The following RAB5IF variants were observed in gnomAD, a reference collection of about 807,000 sequenced individuals.
RAB5IF encodes the protein RAB5 interacting factor.
RAB5IF carries 15 observed loss-of-function variants against 20.3 expected under a neutral mutation model. The observed-to-expected ratio is 0.74, with a 90% CI of 0.50 to 1.14. The LOEUF is 1.14. RAB5IF is among the 50% of genes most tolerant of loss of function. RAB5IF has a pLI of 0.00. For missense variants in RAB5IF, 148 were observed against 159.5 expected, an observed-to-expected ratio of 0.93 and a Z score of 0.39; for synonymous variants, 67 against 63.7, an observed-to-expected ratio of 1.05 and a Z score of -0.25.
intron 2 of RAB5IF, 65 bp downstream of exon 2, chr20:36,607,883 G>T (rs754798915): frequency 1.9e-6 from 3 of 1,599,310 alleles, no homozygotes; most frequent in Non-Finnish European, 2.6e-6. Context: ...TTTTTTTCCT[G>T]TTACAGGAAA....
rs1417667619 is a variant in RAB5IF, at chr20:36,607,715, G to A, written c.115G>A (p.Asp39Asn). 3 of 1,613,856 alleles carry A rather than the reference G, an allele frequency of 1.9e-6. No individual in the cohort carries two copies. Among genetic ancestry groups the A allele is most frequent in the South Asian group, 1.1e-5 (1 of 91,056 alleles). ...CTTGCATTTTCTGTCTTTTCTACAGGATGAATTTTTAGATGTGATCTACTG... is the reference window on the plus strand; with the variant it reads ...CTTGCATTTTCTGTCTTTTCTACAGAATGAATTTTTAGATGTGATCTACTG... ...LRSDAAWEDK[D>N]EFLDVIYWFR... The change falls in exon 2 of 4, where the codon GAT (aspartate) becomes AAT (asparagine). Residue 39 changes from aspartate to asparagine, a missense_variant and splice_region_variant. By Grantham distance (23) the Asp-to-Asn change is conservative. Transcript: ENST00000344795.
In RAB5IF at chr20:36,612,095, C is replaced by A; in HGVS notation, c.*44C>A. 1 of 1,614,192 alleles carries A rather than the reference C, an allele frequency of 6.2e-7. No individual in the cohort carries two copies. The highest frequency in any genetic ancestry group is 8.5e-7 in the Non-Finnish European group (1 of 1,180,040). ...TGCTCCCTATCCAGTCCAAAGGACC[C>A]TCTTGATTACAGCACAGGAACTTGA... is the stretch of plus-strand genomic sequence containing the variant. On this transcript the variant is annotated 3_prime_UTR_variant, in exon 4 of 4. Transcript: ENST00000344795.
Position 36,606,084 on chromosome 20 carries a change from A to G in RAB5IF, c.114+19A>G. 1 of 1,373,916 alleles carries G rather than the reference A, an allele frequency of 7.3e-7. No individual in the cohort carries two copies. Among genetic ancestry groups the G allele is most frequent in the South Asian group, 1.5e-5 (1 of 66,726 alleles). 85.1% of individuals were successfully genotyped at this position (1,373,916 alleles called of 1,614,324 possible). ...GGATAAGGTACGGTGGAGTCTGAAC[A>G]GGGCGCGGGTGCGAGGAGTCGGCTG... On this transcript the variant is annotated intron_variant, in intron 1 of 3. Transcript: ENST00000344795.
intron 2 of RAB5IF, chr20:36,608,249 CA>C: frequency 3.7e-6 from 1 of 271,130 alleles, no homozygotes; most frequent in Non-Finnish European, 7.4e-6. Flanking sequence ...CAGGTCCCTC[CA>C]TTTTGTTTTT....
chr20:36,609,194 C>CACACACACACACACACACACACACACACA (rs1568595462), intron 2 of RAB5IF, among the ~76,000 whole-genome samples: 1 of 43,316 alleles, frequency 2.3e-5, no homozygotes, highest in Non-Finnish European at 4.4e-5. Flanking sequence ...CACACACACA[C>CACACACACACACACACACACACACACACA]GCACACACGC....
At position 36,607,759 on chromosome 20, in the gene RAB5IF, T is replaced by C. The variant is rs1476269492; in HGVS notation, c.159T>C (p.Ala53=). The part of the protein sequence containing the change: ...DVIYWFRQII[A]VVLGVIWGVL... ...TCTACTGGTTCCGACAGATCATTGC[T>C]GTGGTCCTGGGTGTCATTTGGGGAG... Residue 53 remains alanine, a synonymous_variant, in exon 2 of 4, where the codon GCT becomes GCC. Transcript: ENST00000344795. 6.2e-7 allele frequency: 1 copy of C among 1,614,072 alleles called. No homozygotes were observed. The highest frequency in any genetic ancestry group is 2.2e-5 in the East Asian group (1 of 44,902).
chr20:36,606,739 G>A (rs758554088), intron 1 of RAB5IF, among the ~76,000 whole-genome samples: 1 of 152,170 alleles, frequency 6.6e-6, no homozygotes, highest in Non-Finnish European at 1.5e-5. Context: ...ACTTCAGAAC[G>A]TTCTTACTCG....
At chr20:36,606,123 G>T in intron 1 of RAB5IF, 58 bp downstream of exon 1, 1 of 1,079,052 alleles carries the variant, frequency 9.3e-7, no homozygotes, top group Non-Finnish European at 1.3e-6. Flanking sequence ...CTCGGGGAAC[G>T]GAAGACTGGC....
At chr20:36,607,975 T>G (rs2038975658) in intron 2 of RAB5IF, 157 bp downstream of exon 2, 1 of 1,497,866 alleles carries the variant, frequency 6.7e-7, no homozygotes, top group African/African-American at 1.4e-5. Flanking sequence ...CTGGGTCTGG[T>G]GCACCACTCC....
At chr20:36,611,896 C>T (rs1425770632) in intron 3 of RAB5IF, 114 bp from the exon 4 acceptor site, 15 of 1,375,884 alleles carry the variant, frequency 1.1e-5, no homozygotes, top group Middle Eastern at 2.2e-4. Context: ...GACTGTGCAA[C>T]GGATAGCCCC....
intron 2 of RAB5IF, among the ~76,000 whole-genome samples, chr20:36,609,148 A>AACTAT (rs2039008946): frequency 9.8e-6 from 1 of 102,132 alleles, no homozygotes; most frequent in African/African-American, 3.6e-5. Context: ...GGCTTTGGAG[A>AACTAT]ACTATATTAC....
At chr20:36,609,156 T>TACATACATACATATATACACAC in intron 2 of RAB5IF, among the ~76,000 whole-genome samples, 7 of 17,064 alleles carry the variant, frequency 4.1e-4, no homozygotes, top group East Asian at 1.6e-3. Context: ...AGAACTATAT[T>TACATACATACATATATACACAC]ACACACACAC....
rs1039800196 is a variant in RAB5IF at position 36,610,564 on chromosome 20, G to A, written c.348+834G>A. Among the ~76,000 whole-genome samples, 4 of 152,004 alleles carry A rather than the reference G, an allele frequency of 2.6e-5. No individual in the cohort carries two copies. In the South Asian group the frequency reaches 6.2e-4, roughly 24 times the overall value. On this transcript the variant is annotated intron_variant, in intron 3 of 3. Coordinates refer to ENST00000344795, the MANE Select transcript of RAB5IF (RefSeq NM_018840.5). ...AAAAAAATTAGCTGGGCATGGTGGC[G>A]GGCGCCTGTAGTCCCAGCTACTTGG...
intron 2 of RAB5IF, among the ~76,000 whole-genome samples, chr20:36,609,078 CTGGAGGCCCATG>C (rs1173337852): frequency 6.6e-6 from 1 of 151,146 alleles, no homozygotes; most frequent in Non-Finnish European, 1.5e-5. Flanking sequence ...CTGGAGCTAC[CTGGAGGCCCATG>C]TCAGGTCCCG....
intron 1 of RAB5IF, 113 bp from the exon 2 acceptor site, chr20:36,607,602 G>C (rs2038965322): frequency 4.0e-6 from 5 of 1,259,020 alleles, no homozygotes; most frequent in Non-Finnish European, 5.6e-6. Flanking sequence ...TGTTGCCTTT[G>C]GGGGGAAACA....
intron 1 of RAB5IF, among the ~76,000 whole-genome samples, chr20:36,606,617 C>T (rs181987945): frequency 2.6e-5 from 4 of 152,202 alleles, no homozygotes; most frequent in African/African-American, 7.2e-5. Context: ...ATGTAAAGGA[C>T]CGAATACTTT....
intron 2 of RAB5IF, 72 bp downstream of exon 2, chr20:36,607,890 GAA>G (rs1009374760): frequency 1.4e-5 from 22 of 1,593,416 alleles, no homozygotes; most frequent in African/African-American, 6.7e-5. Context: ...CCTGTTACAG[GAA>G]AGGCCATTGC....
chr20:36,611,639 G>A (rs564378787), intron 3 of RAB5IF, among the ~76,000 whole-genome samples: 1 of 152,088 alleles, frequency 6.6e-6, no homozygotes, highest in South Asian at 2.1e-4. Flanking sequence ...CAAGGTTTGA[G>A]AATCCCTGCT....
intron 1 of RAB5IF, 83 bp downstream of exon 1, chr20:36,606,148 G>A: frequency 1.1e-6 from 1 of 877,140 alleles, no homozygotes; most frequent in Admixed American, 3.4e-5. Context: ...GCCTGCCCTC[G>A]TCCTCGTTCC....
Sources: allele counts gnomAD v4.1 joint callset (sites outside exome capture counted in the v4.1 genomes callset), GRCh38; gene constraint gnomAD v4.1.1; transcripts MANE v1.5; gene names NCBI Gene and HGNC (gene_info 2026-07-23, HGNC 2026-07-21).